SCAPER: variants seen among roughly 807,000 people sequenced by gnomAD.
SCAPER encodes S phase cyclin A-associated protein in the endoplasmic reticulum.
In SCAPER, 98 loss-of-function variants were observed where a neutral mutation model predicts 182.2. The ratio of observed to expected loss-of-function variants is 0.54; its 90% CI spans 0.46 to 0.64. The LOEUF (loss-of-function observed/expected upper bound fraction) is 0.64, where lower values mean the gene tolerates loss of function less well. SCAPER is among the 30% of genes least tolerant of loss of function. SCAPER has a pLI of 0.00. For missense variants in SCAPER, 1,432 were observed against 1,690.0 expected, an observed-to-expected ratio of 0.85 and a Z score of 2.68; for synonymous variants, 605 against 564.6, an observed-to-expected ratio of 1.07 and a Z score of -1.01.
At chr15:76,669,776 G>A (rs2056881695) in intron 20 of SCAPER, among the ~76,000 whole-genome samples, 2 of 152,058 alleles carry the variant, frequency 1.3e-5, no homozygotes, top group South Asian at 4.1e-4. Flanking sequence ...ATTCCCTCCC[G>A]CCATGCTGCT....
At chr15:76,698,241 T>G (rs1241050261) in intron 20 of SCAPER, among the ~76,000 whole-genome samples, 5 of 151,910 alleles carry the variant, frequency 3.3e-5, no homozygotes, top group African/African-American at 7.3e-5. Flanking sequence ...TTTACGAAGG[T>G]GAAATTGAGA....
intron 14 of SCAPER, among the ~76,000 whole-genome samples, chr15:76,763,897 C>T (rs147208165): frequency 6.6e-6 from 1 of 152,012 alleles, no homozygotes; most frequent in Non-Finnish European, 1.5e-5. Flanking sequence ...TGTTCTCTCA[C>T]CGTTCACTGA....
chr15:76,863,087 C>T (rs754280376), intron 2 of SCAPER, among the ~76,000 whole-genome samples: 6 of 152,092 alleles, frequency 3.9e-5, no homozygotes, highest in African/African-American at 7.2e-5. Flanking sequence ...ACAGAACATA[C>T]GTAATTTCTT....
intron 21 of SCAPER, among the ~76,000 whole-genome samples, chr15:76,658,804 G>C (rs1333497225): frequency 6.6e-6 from 1 of 152,138 alleles, no homozygotes; most frequent in Non-Finnish European, 1.5e-5. Flanking sequence ...AAGTTGACAA[G>C]AACAAGCAGT....
At chr15:76,756,981 TAC>T (rs1406397793) in intron 14 of SCAPER, among the ~76,000 whole-genome samples, 4 of 143,810 alleles carry the variant, frequency 2.8e-5, no homozygotes, top group Admixed American at 7.2e-5. Context: ...CTGCTCTAAA[TAC>T]ACAGACTCTC....
chr15:76,740,262 G>A (rs1048509142), intron 15 of SCAPER, among the ~76,000 whole-genome samples: 1 of 152,092 alleles, frequency 6.6e-6, no homozygotes, highest in Non-Finnish European at 1.5e-5. Flanking sequence ...TGAATACAGA[G>A]AACATGACAA....
At chr15:76,360,284 G>A (rs2041306651) in intron 29 of SCAPER, among the ~76,000 whole-genome samples, 1 of 152,198 alleles carries the variant, frequency 6.6e-6, no homozygotes, top group Non-Finnish European at 1.5e-5. Flanking sequence ...TACTCAGTAG[G>A]CTATAAAGCC....
intron 10 of SCAPER, among the ~76,000 whole-genome samples, chr15:76,770,790 A>G (rs974796950): frequency 4.6e-5 from 7 of 152,270 alleles, no homozygotes; most frequent in African/African-American, 1.7e-4. Flanking sequence ...CAATAAACTC[A>G]CTACTTATTT....
chr15:76,647,175 G>A (rs1049059683), intron 21 of SCAPER, among the ~76,000 whole-genome samples: 4 of 152,178 alleles, frequency 2.6e-5, no homozygotes, highest in Non-Finnish European at 4.4e-5. Context: ...GAAAGCTAAT[G>A]TGTAAATATA....
rs71143353 is a variant in SCAPER, at chr15:76,688,843, C to CTTTTTT, written c.2508+12909_2508+12914dup. 1.2e-3 allele frequency among the ~76,000 whole-genome samples: 110 copies of CTTTTTT among 92,386 alleles called. 2 individuals are homozygous for CTTTTTT. Among genetic ancestry groups the CTTTTTT allele is most frequent in the Non-Finnish European group, 1.7e-3 (81 of 47,602 alleles). 60.6% of individuals were successfully genotyped at this position (92,386 alleles called of 152,430 possible). A position where few individuals can be genotyped will look rare whatever the true frequency, so the allele number is the denominator to read the frequency against. ...GGTTACTGTAGCCTTAAATGCCTCT[C>CTTTTTT]TTTTTTTTTTTTTTTTTTTTTTTGA... On this transcript the variant is annotated intron_variant, in intron 20 of 31. Transcript: ENST00000563290.
chr15:76,755,872 G>C (rs942536553), intron 14 of SCAPER, among the ~76,000 whole-genome samples: 1 of 152,170 alleles, frequency 6.6e-6, no homozygotes, highest in Admixed American at 6.5e-5. Flanking sequence ...AGCCAAAGGG[G>C]AACGAAGGCC....
chr15:76,589,100 G>C (rs754483967), intron 22 of SCAPER, among the ~76,000 whole-genome samples: 1 of 152,106 alleles, frequency 6.6e-6, no homozygotes, highest in Non-Finnish European at 1.5e-5. Context: ...CTGTCTTCAG[G>C]TCTCCCAGCT....
chr15:76,718,925 A>G (rs957660402), intron 17 of SCAPER, among the ~76,000 whole-genome samples: 3 of 152,126 alleles, frequency 2.0e-5, no homozygotes, highest in Non-Finnish European at 4.4e-5. Context: ...GTATGGAGAA[A>G]AGGGAACTCT....
chr15:76,869,941 A>G (rs1030179665), intron 2 of SCAPER, among the ~76,000 whole-genome samples: 1 of 152,192 alleles, frequency 6.6e-6, no homozygotes, highest in African/African-American at 2.4e-5. Flanking sequence ...TGTCACTTGC[A>G]ACAACATAGA....
chr15:76,736,424 T>A (rs1294891029), intron 15 of SCAPER, among the ~76,000 whole-genome samples: 1 of 152,224 alleles, frequency 6.6e-6, no homozygotes, highest in Non-Finnish European at 1.5e-5. Flanking sequence ...CAAAGATTTC[T>A]CTGTAGTATG....
At chr15:76,498,491 C>T (rs557134885) in intron 24 of SCAPER, 3 of 152,300 alleles carry the variant, frequency 2.0e-5, no homozygotes, top group East Asian at 1.9e-4. Flanking sequence ...TCTCTGCTAA[C>T]GTTCTCTCTG....
intron 22 of SCAPER, among the ~76,000 whole-genome samples, chr15:76,619,726 C>T (rs76495631): frequency 2.0e-5 from 3 of 152,066 alleles, no homozygotes; most frequent in Non-Finnish European, 2.9e-5. Context: ...TCTCCTAATG[C>T]TATCCTGTTA....
intron 29 of SCAPER, among the ~76,000 whole-genome samples, chr15:76,370,800 C>T (rs2042114685): frequency 6.6e-6 from 1 of 152,164 alleles, no homozygotes; most frequent in African/African-American, 2.4e-5. Flanking sequence ...AATTGTGGAC[C>T]ATTTCTACTC....
chr15:76,570,368 C>T (rs2047351349), intron 23 of SCAPER, among the ~76,000 whole-genome samples: 1 of 152,034 alleles, frequency 6.6e-6, no homozygotes, highest in African/African-American at 2.4e-5. Flanking sequence ...AAGTACTAAT[C>T]AAACTCATGT....
Sources: gnomAD v4.1 joint callset for allele counts (sites outside exome capture counted in the v4.1 genomes callset) on GRCh38, gnomAD v4.1.1 for gene constraint, MANE v1.5 for transcripts, NCBI Gene and HGNC (gene_info 2026-07-23, HGNC 2026-07-21) for gene names.